CLCN3: variants seen among roughly 807,000 people sequenced by gnomAD.
CLCN3 encodes the protein H(+)/Cl(-) exchange transporter 3.
A neutral mutation model predicts 83.4 loss-of-function variants in CLCN3; 16 were observed. That is an observed-to-expected ratio of 0.19 (90% confidence interval 0.13 to 0.29). The LOEUF is 0.29. Ranked by LOEUF, CLCN3 falls within the 10% of genes least tolerant of loss-of-function variation. CLCN3 has a pLI of 1.00. For missense variants in CLCN3, 544 were observed against 1,006.0 expected (o/e 0.54, Z 6.21); for synonymous variants, 322 against 346.2 (o/e 0.93, Z 0.78).
At chr4:169,709,316 T>G (rs1733112098) in intron 11 of CLCN3, among the ~76,000 whole-genome samples, 1 of 151,712 alleles carries the variant, frequency 6.6e-6, no homozygotes, top group Admixed American at 6.6e-5. Flanking sequence ...AGCAGAATGT[T>G]GTAAAATATT....
intron 2 of CLCN3, among the ~76,000 whole-genome samples, chr4:169,641,808 T>A (rs1445328372): frequency 6.6e-6 from 1 of 152,202 alleles, no homozygotes; most frequent in Non-Finnish European, 1.5e-5. Flanking sequence ...AAACATGGCA[T>A]CAACATGAAA....
chr4:169,706,827 G>T (rs1328760035), intron 10 of CLCN3, 41 bp from the exon 11 acceptor site: 10 of 1,541,798 alleles, frequency 6.5e-6, no homozygotes, highest in Non-Finnish European at 8.8e-6. Context: ...TAATGATGAG[G>T]ATCCTGTCCT....
At chr4:169,636,580 A>T (rs1193280539) in intron 2 of CLCN3, among the ~76,000 whole-genome samples, 1 of 151,924 alleles carries the variant, frequency 6.6e-6, no homozygotes, top group Non-Finnish European at 1.5e-5. Flanking sequence ...CATACTGTGT[A>T]CTCTTTTATG....
intron 2 of CLCN3, among the ~76,000 whole-genome samples, chr4:169,644,189 A>C (rs1730505145): frequency 6.6e-6 from 1 of 152,218 alleles, no homozygotes; most frequent in Non-Finnish European, 1.5e-5. Context: ...CTGTTTTATC[A>C]AGAACATTTG....
At chr4:169,633,999 C>T (rs556387546) in intron 1 of CLCN3, among the ~76,000 whole-genome samples, 16 of 151,998 alleles carry the variant, frequency 1.1e-4, no homozygotes, top group African/African-American at 3.4e-4. Flanking sequence ...GAAATAGAAA[C>T]CCATGCAGGC....
intron 1 of CLCN3, among the ~76,000 whole-genome samples, chr4:169,627,392 A>G (rs759031739): frequency 1.3e-5 from 2 of 152,126 alleles, no homozygotes; most frequent in Non-Finnish European, 2.9e-5. Flanking sequence ...CAGCTTGCTT[A>G]CTTTTCTCAG....
At chr4:169,645,185 A>G (rs993835855) in intron 2 of CLCN3, among the ~76,000 whole-genome samples, 1 of 152,216 alleles carries the variant, frequency 6.6e-6, no homozygotes, top group Non-Finnish European at 1.5e-5. Flanking sequence ...GGGTCTCTCG[A>G]CAATTCTTGA....
chr4:169,681,551 A>C (rs1731937277), intron 3 of CLCN3, among the ~76,000 whole-genome samples: 1 of 152,214 alleles, frequency 6.6e-6, no homozygotes, highest in Non-Finnish European at 1.5e-5. Context: ...AATACAGTAC[A>C]TGAAATCCAG....
At chr4:169,680,271 T>G (rs1257462617) in intron 3 of CLCN3, 64 bp downstream of exon 3, 1 of 1,169,938 alleles carries the variant, frequency 8.5e-7, no homozygotes, top group African/African-American at 1.6e-5. Context: ...AATAATATAT[T>G]TCTGCCAATG....
intron 1 of CLCN3, among the ~76,000 whole-genome samples, chr4:169,629,413 C>A (rs1248355520): frequency 2.6e-5 from 4 of 151,992 alleles, no homozygotes; most frequent in African/African-American, 7.3e-5. Context: ...GTTGCCCAGG[C>A]TGGAGTGCAG....
chr4:169,678,727 G>A (rs1306196289), intron 2 of CLCN3, among the ~76,000 whole-genome samples: 1 of 152,156 alleles, frequency 6.6e-6, no homozygotes, highest in Non-Finnish European at 1.5e-5. Flanking sequence ...GAGAGCAGGG[G>A]GTTGGGGGTA....
chr4:169,705,760 G>A (rs376641464), intron 10 of CLCN3, among the ~76,000 whole-genome samples: 2 of 152,086 alleles, frequency 1.3e-5, no homozygotes, highest in Admixed American at 6.5e-5. Flanking sequence ...GTAGGTTTTT[G>A]AGCAAAAGAG....
chr4:169,681,154 T>C (rs1581243660), intron 3 of CLCN3, among the ~76,000 whole-genome samples: 1 of 152,264 alleles, frequency 6.6e-6, no homozygotes, highest in East Asian at 1.9e-4. Flanking sequence ...GTTCAAGCGA[T>C]TCTTGTACTC....
chr4:169,693,343 T>A (rs1441384647), intron 7 of CLCN3, among the ~76,000 whole-genome samples: 1 of 152,230 alleles, frequency 6.6e-6, no homozygotes, highest in Non-Finnish European at 1.5e-5. Context: ...CAAAAATAGC[T>A]AGCATTATTG....
intron 2 of CLCN3, among the ~76,000 whole-genome samples, chr4:169,647,187 C>T (rs1002860775): frequency 3.9e-5 from 6 of 151,982 alleles, no homozygotes; most frequent in African/African-American, 7.3e-5. Context: ...CCCAGGAATT[C>T]GAGACCAGCC....
chr4:169,627,723 C>G (rs1239069944), intron 1 of CLCN3, among the ~76,000 whole-genome samples: 1 of 152,064 alleles, frequency 6.6e-6, no homozygotes, highest in Admixed American at 6.6e-5. Flanking sequence ...AGCTCTTTTA[C>G]AACATCAAGG....
At chr4:169,660,266 A>C in intron 2 of CLCN3, 2 of 1,266,590 alleles carry the variant, frequency 1.6e-6, no homozygotes, top group Non-Finnish European at 2.0e-6. Context: ...CAAATATGGC[A>C]TCTCCCTTGC....
chr4:169,643,519 T>G (rs1023069971), intron 2 of CLCN3, among the ~76,000 whole-genome samples: 1 of 152,052 alleles, frequency 6.6e-6, no homozygotes, highest in African/African-American at 2.4e-5. Flanking sequence ...CGTGCACCAC[T>G]GCGCCTGGCC....
chr4:169,719,375 T>C (rs1476423683), intron 12 of CLCN3, among the ~76,000 whole-genome samples: 2 of 152,168 alleles, frequency 1.3e-5, no homozygotes, highest in Non-Finnish European at 2.9e-5. Flanking sequence ...GAGAATTGCT[T>C]GAACCGGGGA....
Sources: gnomAD v4.1 joint callset for allele counts (sites outside exome capture counted in the v4.1 genomes callset) on GRCh38, gnomAD v4.1.1 for gene constraint, MANE v1.5 for transcripts, NCBI Gene and HGNC (gene_info 2026-07-23, HGNC 2026-07-21) for gene names.